The following CSNK1G1 variants were observed in gnomAD, a reference collection of about 807,000 sequenced individuals.
The protein encoded by CSNK1G1 is casein kinase I isoform gamma-1.
CSNK1G1 carries 22 observed loss-of-function variants against 59.6 expected under a neutral mutation model. The ratio of observed to expected loss-of-function variants is 0.37; its 90% confidence interval spans 0.26 to 0.53. CSNK1G1 has a LOEUF of 0.53. Ranked by LOEUF, CSNK1G1 falls within the 20% of genes least tolerant of loss-of-function variation. The pLI, the probability that CSNK1G1 is intolerant of heterozygous loss-of-function variation, is 0.89. For missense variants in CSNK1G1, 384 were observed against 519.5 expected (o/e 0.74, Z 2.54); for synonymous variants, 179 against 177.1 (o/e 1.01, Z -0.08).
intron 11 of CSNK1G1, among the ~76,000 whole-genome samples, chr15:64,178,109 G>A (rs1426202976): frequency 6.6e-6 from 1 of 152,192 alleles, no homozygotes; most frequent in African/African-American, 2.4e-5. Context: ...GCCAGACTCA[G>A]ACATTTGTAT....
At chr15:64,237,845 T>C (rs1423552250) in intron 4 of CSNK1G1, among the ~76,000 whole-genome samples, 1 of 152,168 alleles carries the variant, frequency 6.6e-6, no homozygotes, top group Non-Finnish European at 1.5e-5. Context: ...TATAAAACCA[T>C]TCCCTCCAAG....
At chr15:64,285,860 G>C (rs1894379817) in intron 2 of CSNK1G1, among the ~76,000 whole-genome samples, 1 of 150,810 alleles carries the variant, frequency 6.6e-6, no homozygotes, top group African/African-American at 2.4e-5. Flanking sequence ...TCCAAGAAGG[G>C]GAAAAAAAAA....
At chr15:64,322,751 T>G (rs2140441977) in intron 1 of CSNK1G1, among the ~76,000 whole-genome samples, 1 of 152,218 alleles carries the variant, frequency 6.6e-6, no homozygotes, top group Admixed American at 6.5e-5. Flanking sequence ...GATGATCACT[T>G]AAGTCCAGGA....
chr15:64,341,667 G>A (rs1897688541), intron 1 of CSNK1G1, among the ~76,000 whole-genome samples: 2 of 152,042 alleles, frequency 1.3e-5, no homozygotes, highest in Admixed American at 1.3e-4. Flanking sequence ...TAGAGACAGA[G>A]TCTTGCTATG....
chr15:64,295,878 G>A (rs747564187), intron 2 of CSNK1G1, among the ~76,000 whole-genome samples: 16 of 152,130 alleles, frequency 1.1e-4, no homozygotes, highest in Middle Eastern at 3.4e-3. Flanking sequence ...TCACAATTTC[G>A]TCCCAACTTA....
intron 1 of CSNK1G1, among the ~76,000 whole-genome samples, chr15:64,322,819 C>G (rs1178307452): frequency 6.6e-6 from 1 of 151,868 alleles, no homozygotes; most frequent in African/African-American, 2.4e-5. Flanking sequence ...GATCCTATCT[C>G]AAAAACTAAA....
At chr15:64,267,257 A>C (rs1893036566) in intron 2 of CSNK1G1, among the ~76,000 whole-genome samples, 1 of 106,696 alleles carries the variant, frequency 9.4e-6, no homozygotes, top group Non-Finnish European at 1.8e-5. Context: ...ACCTTATCTC[A>C]AAAAAAAAAA....
chr15:64,184,790 T>C (rs1248983230), intron 10 of CSNK1G1, among the ~76,000 whole-genome samples: 1 of 152,076 alleles, frequency 6.6e-6, no homozygotes, highest in African/African-American at 2.4e-5. Flanking sequence ...CCAATTAATA[T>C]CTTAAAGCAT....
At chr15:64,323,443 G>A (rs1170773053) in intron 1 of CSNK1G1, among the ~76,000 whole-genome samples, 1 of 151,278 alleles carries the variant, frequency 6.6e-6, no homozygotes, top group Non-Finnish European at 1.5e-5. Context: ...TCGGCTCACT[G>A]CAACCTCTGC....
At chr15:64,284,645 CCTCTT>C (rs1194172951) in intron 2 of CSNK1G1, among the ~76,000 whole-genome samples, 1 of 151,778 alleles carries the variant, frequency 6.6e-6, no homozygotes, top group African/African-American at 2.4e-5. Flanking sequence ...CTGATTCAGA[CCTCTT>C]CTCTCATGAT....
intron 1 of CSNK1G1, among the ~76,000 whole-genome samples, chr15:64,305,610 T>G (rs1895638150): frequency 6.7e-6 from 1 of 150,306 alleles, no homozygotes; most frequent in Non-Finnish European, 1.5e-5. Flanking sequence ...AACCAGCTAC[T>G]CAGGAGGCAG....
At chr15:64,185,967 C>A (rs1241158762) in intron 10 of CSNK1G1, among the ~76,000 whole-genome samples, 1 of 152,024 alleles carries the variant, frequency 6.6e-6, no homozygotes, top group Non-Finnish European at 1.5e-5. Context: ...AAGAGCTGCT[C>A]TTGCAGCTCT....
intron 4 of CSNK1G1, among the ~76,000 whole-genome samples, chr15:64,228,913 G>C (rs577143751): frequency 6.6e-5 from 10 of 151,100 alleles, no homozygotes; most frequent in African/African-American, 2.4e-4. Flanking sequence ...AGCTACTTGG[G>C]AGGCTGAGAC....
rs8025797 is a variant in CSNK1G1 at position 64,256,384 on chromosome 15, T to C, written c.222+2817A>G. Among the ~76,000 whole-genome samples, 1,282 of 152,322 alleles carry C rather than the reference T, an allele frequency of 8.4e-3. 19 individuals are homozygous for C. Among genetic ancestry groups the C allele is most frequent in the African/African-American group, 0.029 (1,204 of 41,566 alleles). ...GGTAGCCAAGCTAGTAAATTAAAAA[T>C]GCAAAACTCCATAGAGTTCAAGGGT... On this transcript the variant is annotated intron_variant, in intron 3 of 11. Transcript: ENST00000303052.
In CSNK1G1 at chr15:64,204,321, T is replaced by C. The variant is rs1193159858; in HGVS notation, c.999+120A>G. 16 of 842,432 alleles carry C rather than the reference T, an allele frequency of 1.9e-5. No homozygotes were observed. In the East Asian group the frequency reaches 3.8e-4, roughly 20 times the overall value. The allele number at this position is 842,432 out of a possible 1,614,324, so 52.2% of individuals were successfully genotyped here. A position where few individuals can be genotyped will look rare whatever the true frequency, so the allele number is the denominator to read the frequency against. ...AGGCTAGTAAATATACAGTCTACGA[T>C]CAAAGGAATATTTTTACCAAAGATT... On this transcript the variant is annotated intron_variant, in intron 9 of 11. Transcript: ENST00000303052.
intron 1 of CSNK1G1, among the ~76,000 whole-genome samples, chr15:64,309,353 A>ACACACACAC (rs1566942519): frequency 7.7e-6 from 1 of 130,650 alleles, no homozygotes; most frequent in Non-Finnish European, 1.7e-5. Flanking sequence ...CACACACACA[A>ACACACACAC]ATAAATGAGT....
At chr15:64,298,848 T>A (rs1214648148) in intron 2 of CSNK1G1, among the ~76,000 whole-genome samples, 6 of 147,502 alleles carry the variant, frequency 4.1e-5, no homozygotes, top group Non-Finnish European at 7.5e-5. Flanking sequence ...CTGGCCAATA[T>A]GGCAAGAGCC....
intron 1 of CSNK1G1, among the ~76,000 whole-genome samples, chr15:64,334,179 G>A (rs950920663): frequency 6.6e-5 from 10 of 152,106 alleles, no homozygotes; most frequent in African/African-American, 2.4e-4. Context: ...ACCACGCCCA[G>A]CTAATTTTTT....
In CSNK1G1 at chr15:64,199,156, T is replaced by A. The variant is rs562881841; in HGVS notation, c.1107+3926A>T. ...GTCCCAGCTACTCAGGAGGCTAAGG[T>A]GGAAGGATCACTTTAGCCCAGGAAG... is the stretch of plus-strand genomic sequence containing the variant. On this transcript the variant is annotated intron_variant, in intron 10 of 11. Transcript: ENST00000303052. Among the ~76,000 whole-genome samples, 202 of 133,888 alleles carry A rather than the reference T, an allele frequency of 1.5e-3. 1 individual carries two copies. The highest frequency in any genetic ancestry group is 5.7e-3 in the African/African-American group (197 of 34,850). 87.8% of individuals were successfully genotyped at this position (133,888 alleles called of 152,430 possible).
Sources: gnomAD v4.1 joint callset for allele counts (sites outside exome capture counted in the v4.1 genomes callset) on GRCh38, gnomAD v4.1.1 for gene constraint, MANE v1.5 for transcripts, NCBI Gene and HGNC (gene_info 2026-07-23, HGNC 2026-07-21) for gene names.